The following PWP1 variants were observed in gnomAD, a reference collection of about 807,000 sequenced individuals.
PWP1 encodes the protein periodic tryptophan protein 1 homolog.
PWP1 carries 47 observed loss-of-function variants against 69.9 expected under a neutral mutation model. That is an observed-to-expected ratio of 0.67 (90% CI 0.53 to 0.86). The LOEUF is 0.86. Ranked by LOEUF, PWP1 falls within the 40% of genes least tolerant of loss-of-function variation. The pLI, the probability that PWP1 is intolerant of heterozygous loss-of-function variation, is 0.00. For missense variants in PWP1, 551 were observed against 608.8 expected (o/e 0.91, Z 1.00); for synonymous variants, 222 against 208.2 (o/e 1.07, Z -0.57).
chr12:107,709,374 G>A (rs1889896968), intron 13 of PWP1, 142 bp downstream of exon 13: 1 of 1,105,078 alleles, frequency 9.0e-7, no homozygotes, highest in Non-Finnish European at 1.3e-6. Context: ...TTTGAGTTTA[G>A]TCAAATTTGG....
At chr12:107,707,261 T>C (rs910526882) in intron 11 of PWP1, among the ~76,000 whole-genome samples, 2 of 152,234 alleles carry the variant, frequency 1.3e-5, no homozygotes, top group African/African-American at 4.8e-5. Context: ...CCTGAGACTT[T>C]GCTGAAGTTG....
At chr12:107,702,252 T>A (rs934192442) in intron 8 of PWP1, among the ~76,000 whole-genome samples, 5 of 151,900 alleles carry the variant, frequency 3.3e-5, no homozygotes, top group African/African-American at 1.2e-4. Flanking sequence ...ACTTTTTTTT[T>A]AAGTCTAATA....
At chr12:107,688,406 T>C in intron 1 of PWP1, 42 bp from the exon 2 acceptor site, 7 of 1,538,842 alleles carry the variant, frequency 4.5e-6, no homozygotes, top group Non-Finnish European at 5.3e-6. Context: ...AATTTGATGA[T>C]TTCCTTACAC....
intron 7 of PWP1, chr12:107,697,814 TA>T (rs1231689576): frequency 1.7e-6 from 1 of 584,942 alleles, no homozygotes; most frequent in African/African-American, 1.8e-5. Flanking sequence ...TGTTCTTTCT[TA>T]CACAAAACTA....
At chr12:107,710,958 C>T (rs151194435) in intron 14 of PWP1, among the ~76,000 whole-genome samples, 38 of 152,106 alleles carry the variant, frequency 2.5e-4, no homozygotes, top group Non-Finnish European at 3.8e-4. Context: ...AACCCAGTGG[C>T]GCTAGAGGAA....
intron 11 of PWP1, among the ~76,000 whole-genome samples, chr12:107,707,145 T>A (rs952371883): frequency 3.9e-5 from 6 of 152,128 alleles, no homozygotes; most frequent in Non-Finnish European, 7.3e-5. Context: ...CCTAGGTATT[T>A]TATTCTCTTT....
At chr12:107,706,638 A>G (rs1889830102) in intron 11 of PWP1, among the ~76,000 whole-genome samples, 1 of 152,138 alleles carries the variant, frequency 6.6e-6, no homozygotes, top group South Asian at 2.1e-4. Context: ...TTTTCCCAGC[A>G]CCATTTATTA....
At chr12:107,705,796 CA>C (rs1889811747) in intron 11 of PWP1, among the ~76,000 whole-genome samples, 1 of 151,980 alleles carries the variant, frequency 6.6e-6, no homozygotes, top group Admixed American at 6.6e-5. Flanking sequence ...GGGTTGGTTC[CA>C]AGTCTTTTCT....
At position 107,709,521 on chromosome 12, in the gene PWP1, T is replaced by G. The variant is rs1400812052; in HGVS notation, c.1290+289T>G. ...AAGTGAAATGGCTGCTTTTTTTTTT[T>G]TTTTTTAAAACCCTGAAATCAAGAC... On this transcript the variant is annotated intron_variant, in intron 13 of 14. Transcript: ENST00000412830. Among the ~76,000 whole-genome samples the G allele has an allele frequency of 2.1e-5, 3 of 143,934 alleles. No homozygotes were observed. The Admixed American group carries it at 2.2e-4, about 10-fold the overall frequency. The allele number at this position is 143,934 out of a possible 152,430, so 94.4% of individuals were successfully genotyped here.
rs890226353 is a variant in PWP1 at position 107,697,778 on chromosome 12, A to T, written c.744+181A>T. On this transcript the variant is annotated intron_variant, in intron 7 of 14. Coordinates refer to ENST00000412830, the MANE Select transcript of PWP1 (RefSeq NM_007062.3). ...GCCATCCAAAGAAAACTTATTTCTG[A>T]TTACATAAAACCTCCATTATCATGT... 7.5e-6 allele frequency: 5 copies of T among 665,910 alleles called. No homozygotes were observed. In the African/African-American group the frequency reaches 8.9e-5, roughly 12 times the overall value. The allele number at this position is 665,910 out of a possible 1,614,324, so 41.3% of individuals were successfully genotyped here.
At chr12:107,709,345 A>T in intron 13 of PWP1, 113 bp downstream of exon 13, 3 of 1,331,064 alleles carry the variant, frequency 2.3e-6, no homozygotes, top group Non-Finnish European at 3.1e-6. Flanking sequence ...ACAAATATGG[A>T]TGTGTTGGGG....
At chr12:107,690,533 G>A (rs1316596852) in intron 3 of PWP1, among the ~76,000 whole-genome samples, 4 of 152,120 alleles carry the variant, frequency 2.6e-5, no homozygotes, top group Middle Eastern at 6.8e-3. Flanking sequence ...GTGCAATCTC[G>A]GCTCACTGCA....
intron 1 of PWP1, 105 bp downstream of exon 1, chr12:107,686,076 C>G: frequency 2.4e-6 from 3 of 1,275,998 alleles, no homozygotes; most frequent in Non-Finnish European, 3.4e-6. Context: ...TTGGCTGGTG[C>G]GACTGGCTGG....
At position 107,688,769 on chromosome 12, in the gene PWP1, G is replaced by A. The variant is rs755033561; in HGVS notation, c.286G>A (p.Asp96Asn). 3.3e-5 allele frequency: 53 copies of A among 1,613,904 alleles called. No homozygotes were observed. Among genetic ancestry groups the A allele is most frequent in the Non-Finnish European group, 4.4e-5 (52 of 1,180,002 alleles). The stretch of plus-strand genomic sequence containing the variant: ...TGATGATGATGAGCTGGCTGAGTAC[G>A]ACTTAGATAAATATGATGAGGAAGG... The part of the protein sequence containing the change: ...TLDDDELAEY[D>N]LDKYDEEGDP... The change falls in exon 3 of 15, where the codon GAC becomes AAC. Residue 96 changes from aspartate (D) to asparagine (N), a missense_variant. Physicochemically the swap from Asp to Asn is conservative, Grantham distance 23. Coordinates refer to ENST00000412830, the MANE Select transcript of PWP1 (RefSeq NM_007062.3).
At chr12:107,705,843 GTGCACATA>G (rs1459688510) in intron 11 of PWP1, among the ~76,000 whole-genome samples, 1 of 145,632 alleles carries the variant, frequency 6.9e-6, no homozygotes, top group African/African-American at 2.4e-5. Context: ...CTATATGTAT[GTGCACATA>G]TGCACATACG....
At chr12:107,706,705 A>G (rs908375959) in intron 11 of PWP1, among the ~76,000 whole-genome samples, 9 of 151,994 alleles carry the variant, frequency 5.9e-5, no homozygotes, top group South Asian at 2.1e-4. Context: ...AGATCAGATG[A>G]TTGTAGATGT....
At chr12:107,703,886 T>G (rs897082560) in intron 10 of PWP1, 140 bp downstream of exon 10, 1 of 742,040 alleles carries the variant, frequency 1.3e-6, no homozygotes, top group Non-Finnish European at 2.3e-6. Context: ...TTATTTTTCC[T>G]TTTAACTCTG....
intron 5 of PWP1, among the ~76,000 whole-genome samples, chr12:107,693,513 T>TG (rs1433626851): frequency 6.6e-6 from 1 of 152,096 alleles, no homozygotes; most frequent in East Asian, 1.9e-4. Context: ...TAAATGTGAT[T>TG]GCCTGTTTTT....
chr12:107,708,315 C>T (rs1020966404), intron 11 of PWP1, among the ~76,000 whole-genome samples: 11 of 152,150 alleles, frequency 7.2e-5, no homozygotes, highest in African/African-American at 2.7e-4. Context: ...CTGCCTCAGC[C>T]GTCCTTTCTT....
Sources: gnomAD v4.1 joint callset for allele counts (sites outside exome capture counted in the v4.1 genomes callset) on GRCh38, gnomAD v4.1.1 for gene constraint, MANE v1.5 for transcripts, NCBI Gene and HGNC (gene_info 2026-07-23, HGNC 2026-07-21) for gene names.